Variants in FOXP2 observed in about 807,000 individuals in gnomAD.
The protein encoded by FOXP2 is forkhead box P2.
In FOXP2, 12 loss-of-function variants were observed where a neutral mutation model predicts 115.8. The observed-to-expected ratio is 0.10, with a 90% CI of 0.07 to 0.17. FOXP2 has a LOEUF of 0.17. FOXP2 is among the 10% of genes least tolerant of loss of function. The pLI is 1.00. For synonymous variants in FOXP2, 328 were observed against 297.7 expected, an observed-to-expected ratio of 1.10 and a Z score of -1.05; for missense variants, 629 against 843.5, an observed-to-expected ratio of 0.75 and a Z score of 3.15.
intron 1 of FOXP2, among the ~76,000 whole-genome samples, chr7:114,164,794 G>A (rs979187865): frequency 2.6e-5 from 4 of 152,164 alleles, no homozygotes; most frequent in East Asian, 3.9e-4. Flanking sequence ...GGTCAGTACC[G>A]TGCTCCCATT....
intron 2 of FOXP2, among the ~76,000 whole-genome samples, chr7:114,340,758 C>A (rs1009194387): frequency 6.9e-4 from 104 of 150,906 alleles, no homozygotes; most frequent in African/African-American, 2.5e-3. Flanking sequence ...GTGATTGCAC[C>A]CCCACTGTGT....
intron 2 of FOXP2, among the ~76,000 whole-genome samples, chr7:114,393,693 G>T (rs1792666063): frequency 6.6e-6 from 1 of 152,172 alleles, no homozygotes; most frequent in Middle Eastern, 3.2e-3. Context: ...GGCATGGGTT[G>T]TTGGAACCCA....
chr7:114,149,249 G>T (rs1351238490), intron 1 of FOXP2, among the ~76,000 whole-genome samples: 2 of 151,664 alleles, frequency 1.3e-5, no homozygotes, highest in East Asian at 3.9e-4. Flanking sequence ...TGGGTTGGTT[G>T]GTTTGTTTGA....
chr7:114,229,145 A>G (rs1341006126), intron 1 of FOXP2, among the ~76,000 whole-genome samples: 1 of 151,338 alleles, frequency 6.6e-6, no homozygotes, highest in Non-Finnish European at 1.5e-5. Context: ...CTGTCATAGA[A>G]AAAAAGAGAA....
At chr7:114,190,762 T>C (rs1266563763) in intron 1 of FOXP2, among the ~76,000 whole-genome samples, 1 of 152,156 alleles carries the variant, frequency 6.6e-6, no homozygotes, top group Non-Finnish European at 1.5e-5. Flanking sequence ...AATCAACTTA[T>C]ATCCTTCTTC....
chr7:114,633,705 T>G (rs1805049287), intron 6 of FOXP2, among the ~76,000 whole-genome samples: 1 of 152,172 alleles, frequency 6.6e-6, no homozygotes, highest in Non-Finnish European at 1.5e-5. Context: ...CATTGTGTGT[T>G]GAATACACCA....
At chr7:114,370,585 A>G (rs1198562182) in intron 2 of FOXP2, among the ~76,000 whole-genome samples, 1 of 152,178 alleles carries the variant, frequency 6.6e-6, no homozygotes, top group Admixed American at 6.5e-5. Context: ...GCAAGAGAAC[A>G]TGGACATTCT....
chr7:114,254,865 C>T lies in FOXP2; in HGVS notation c.-101-33154C>T, dbSNP rs577251453. On this transcript the variant is annotated intron_variant, in intron 1 of 17. Transcript: ENST00000634411. ...CTGCGTTCCTTTGGAGGGGGAGACG[C>T]GCTCTCATTTTTAGAATTTTCAGCT... Among the ~76,000 whole-genome samples, 32 of 152,326 alleles carry T rather than the reference C, an allele frequency of 2.1e-4. 1 individual carries two copies. The highest frequency in any genetic ancestry group is 2.1e-4 in the South Asian group (1 of 4,834).
chr7:114,308,249 C>T (rs1042733574), intron 2 of FOXP2, among the ~76,000 whole-genome samples: 7 of 152,190 alleles, frequency 4.6e-5, no homozygotes, highest in Admixed American at 1.3e-4. Context: ...CCTCATAGGC[C>T]ACTGGGGGGG....
chr7:114,486,493 A>G (rs1182195029), intron 2 of FOXP2, among the ~76,000 whole-genome samples: 2 of 152,090 alleles, frequency 1.3e-5, no homozygotes, highest in South Asian at 2.1e-4. Flanking sequence ...CCCAAATCTC[A>G]TGTCCTCACA....
chr7:114,342,934 C>T (rs1791251686), intron 2 of FOXP2, among the ~76,000 whole-genome samples: 1 of 151,450 alleles, frequency 6.6e-6, no homozygotes, highest in Admixed American at 6.6e-5. Flanking sequence ...AAGAAATGTT[C>T]AGAAATCTAA....
At chr7:114,294,570 G>T (rs1238194516) in intron 2 of FOXP2, among the ~76,000 whole-genome samples, 1 of 152,076 alleles carries the variant, frequency 6.6e-6, no homozygotes, top group Non-Finnish European at 1.5e-5. Context: ...GCTGGGTGTG[G>T]TGGCTTACAC....
intron 2 of FOXP2, among the ~76,000 whole-genome samples, chr7:114,388,215 T>A (rs1250248421): frequency 6.6e-6 from 1 of 152,146 alleles, no homozygotes; most frequent in Admixed American, 6.5e-5. Context: ...CACACTCTTA[T>A]CAGATTTGGC....
intron 2 of FOXP2, among the ~76,000 whole-genome samples, chr7:114,398,450 T>C (rs1209600955): frequency 1.3e-5 from 2 of 152,150 alleles, no homozygotes; most frequent in Admixed American, 6.5e-5. Context: ...TTTTATGAAG[T>C]CTACTTTAAA....
chr7:114,481,761 A>C (rs905184153), intron 2 of FOXP2, among the ~76,000 whole-genome samples: 3 of 129,812 alleles, frequency 2.3e-5, no homozygotes, highest in East Asian at 2.2e-4. Context: ...TCATATGGAA[A>C]CTCTATCTAT....
chr7:114,093,909 A>C (rs542888962), intron 1 of FOXP2, among the ~76,000 whole-genome samples: 1 of 152,280 alleles, frequency 6.6e-6, no homozygotes, highest in South Asian at 2.1e-4. Context: ...CCGAAAGTTA[A>C]ACTGATGGAT....
chr7:114,645,852 A>AT (rs1805853164), intron 8 of FOXP2: 1 of 152,026 alleles, frequency 6.6e-6, no homozygotes, highest in Admixed American at 6.6e-5. Flanking sequence ...TTCCACAAAG[A>AT]TTTTTTTAAC....
At chr7:114,242,260 G>A (rs1795174989) in intron 1 of FOXP2, among the ~76,000 whole-genome samples, 1 of 151,900 alleles carries the variant, frequency 6.6e-6, no homozygotes, top group Admixed American at 6.6e-5. Context: ...TTTAAATCTA[G>A]ACACATGATG....
rs1358525248 is a variant in FOXP2 at position 114,415,348 on chromosome 7, A to T, written c.-23A>T. 1 of 450,836 alleles carries T rather than the reference A, an allele frequency of 2.2e-6. No individual in the cohort carries two copies. Among genetic ancestry groups the T allele is most frequent in the Admixed American group, 2.4e-5 (1 of 41,936 alleles). 27.9% of individuals were successfully genotyped at this position (450,836 alleles called of 1,614,324 possible). ...TTGAAACCGGGAAGTTTGCTCTAAC[A>T]TTTCCAGAGAAGGTACGTTACTTTT... On this transcript the variant is annotated 5_prime_UTR_variant, in exon 1 of 17. Coordinates refer to ENST00000350908, the MANE Select transcript of FOXP2 (RefSeq NM_014491.4).
Sources: allele counts gnomAD v4.1 joint callset (sites outside exome capture counted in the v4.1 genomes callset), GRCh38; gene constraint gnomAD v4.1.1; transcripts MANE v1.5; gene names NCBI Gene and HGNC (gene_info 2026-07-23, HGNC 2026-07-21).